The following RYR2 variants were observed in gnomAD, a reference collection of about 807,000 sequenced individuals.
RYR2 encodes the protein ryanodine receptor 2.
Under a neutral mutation model 601.1 loss-of-function variants are expected in RYR2, and 227 were observed. That is an observed-to-expected ratio of 0.38 (90% CI 0.34 to 0.42). RYR2 has a LOEUF of 0.42. Among genes scored for constraint, RYR2 ranks in the 10% least tolerant of loss-of-function variants. The pLI is 1.00. For synonymous variants in RYR2, 2,223 were observed against 2,175.1 expected (o/e 1.02, Z -0.61); for missense variants, 4,646 against 6,156.5 (o/e 0.75, Z 8.21).
intron 1 of RYR2, among the ~76,000 whole-genome samples, chr1:237,172,293 G>C (rs1422699903): frequency 6.6e-6 from 1 of 152,164 alleles, no homozygotes; most frequent in Non-Finnish European, 1.5e-5. Flanking sequence ...CTTGGATCCA[G>C]ACAGACAAGG....
chr1:237,479,808 C>T (rs1661828473), intron 17 of RYR2, among the ~76,000 whole-genome samples: 1 of 152,172 alleles, frequency 6.6e-6, no homozygotes, highest in Non-Finnish European at 1.5e-5. Context: ...GTGTCATATG[C>T]ATTACTCCAC....
intron 56 of RYR2, among the ~76,000 whole-genome samples, chr1:237,663,991 C>A: frequency 6.6e-6 from 1 of 152,162 alleles, no homozygotes; most frequent in Non-Finnish European, 1.5e-5. Context: ...TTTTGACCCC[C>A]TCCTTGGTAG....
chr1:237,628,191 G>T, intron 41 of RYR2, 111 bp downstream of exon 41: 1 of 1,209,708 alleles, frequency 8.3e-7, no homozygotes, highest in Non-Finnish European at 1.1e-6. Context: ...TGGATTATAC[G>T]ATTATTATAC....
At chr1:237,686,231 A>G (rs1464994488) in intron 62 of RYR2, among the ~76,000 whole-genome samples, 3 of 152,224 alleles carry the variant, frequency 2.0e-5, no homozygotes, top group Admixed American at 2.0e-4. Context: ...TGTGGGTGGT[A>G]CTATACACAT....
chr1:237,754,547 C>G (rs149754281), intron 80 of RYR2, among the ~76,000 whole-genome samples: 1,618 of 152,272 alleles, frequency 0.011, 19 homozygotes, highest in Middle Eastern at 0.02. Context: ...CTTCCTGACT[C>G]CCTTGCCTCT....
chr1:237,396,204 A>G (rs1334671028), intron 10 of RYR2, among the ~76,000 whole-genome samples: 2 of 152,184 alleles, frequency 1.3e-5, no homozygotes, highest in Non-Finnish European at 2.9e-5. Context: ...AAAGAAAGCC[A>G]TCTTAATAAA....
intron 10 of RYR2, among the ~76,000 whole-genome samples, chr1:237,408,406 A>AT (rs1491446048): frequency 0.33 from 44,880 of 135,312 alleles, 10,526 homozygotes; most frequent in African/African-American, 0.58. Context: ...ATATATATAT[A>AT]AATGGATATC....
In RYR2 at chr1:237,607,154, T is replaced by G. The variant is rs1241782442; in HGVS notation, c.4684-3608T>G. On this transcript the variant is annotated intron_variant, in intron 35 of 104. Coordinates refer to ENST00000366574, the MANE Select transcript of RYR2 (RefSeq NM_001035.3). ...GTTTATTGTGGCATTATTTACAATA[T>G]CAAAGACTTGGAACCAACCCAAATG... Among the ~76,000 whole-genome samples the G allele has an allele frequency of 2.6e-5, 4 of 152,132 alleles. 1 individual carries two copies. The highest frequency in any genetic ancestry group is 4.8e-5 in the African/African-American group (2 of 41,426).
intron 1 of RYR2, among the ~76,000 whole-genome samples, chr1:237,094,097 C>T (rs1347398284): frequency 6.6e-6 from 1 of 152,224 alleles, no homozygotes; most frequent in Non-Finnish European, 1.5e-5. Flanking sequence ...TTCGAGTCCT[C>T]CATTTCGACC....
intron 1 of RYR2, among the ~76,000 whole-genome samples, chr1:237,217,875 C>G (rs1409349162): frequency 1.3e-5 from 2 of 152,136 alleles, no homozygotes; most frequent in African/African-American, 4.8e-5. Context: ...ATTTGTTTTG[C>G]TCGAAGGGCT....
chr1:237,444,316 T>C (rs538032397), intron 13 of RYR2, among the ~76,000 whole-genome samples: 1 of 152,292 alleles, frequency 6.6e-6, no homozygotes, highest in African/African-American at 2.4e-5. Context: ...AACCGCAAGT[T>C]CTTTCATTTT....
chr1:237,219,237 C>G (rs530281314), intron 1 of RYR2, among the ~76,000 whole-genome samples: 1 of 151,970 alleles, frequency 6.6e-6, no homozygotes, highest in Non-Finnish European at 1.5e-5. Flanking sequence ...AGGCTGGTCT[C>G]GAACTCCTGA....
At chr1:237,773,755 T>C in intron 87 of RYR2, 107 bp downstream of exon 87, 2 of 792,366 alleles carry the variant, frequency 2.5e-6, no homozygotes, top group South Asian at 2.2e-5. Context: ...CTGAGTTTCT[T>C]TGCAAATTGC....
At chr1:237,250,723 T>G (rs1312221295) in intron 1 of RYR2, among the ~76,000 whole-genome samples, 2 of 152,218 alleles carry the variant, frequency 1.3e-5, no homozygotes, top group Non-Finnish European at 2.9e-5. Context: ...CCTCCACCTG[T>G]GCTTTGATCC....
chr1:237,583,544 C>G (rs1243484080), intron 29 of RYR2, among the ~76,000 whole-genome samples: 2 of 152,034 alleles, frequency 1.3e-5, no homozygotes, highest in Admixed American at 6.6e-5. Flanking sequence ...CATAGTAGGC[C>G]ACAAGCAGCT....
intron 1 of RYR2, among the ~76,000 whole-genome samples, chr1:237,080,056 T>C (rs1360152929): frequency 3.5e-5 from 3 of 84,742 alleles, no homozygotes; most frequent in Non-Finnish European, 2.3e-5. Context: ...TAAATGGTGC[T>C]GGGAAAACTG....
chr1:237,255,671 T>C (rs1032817444), intron 1 of RYR2, among the ~76,000 whole-genome samples: 1 of 152,170 alleles, frequency 6.6e-6, no homozygotes, highest in Non-Finnish European at 1.5e-5. Flanking sequence ...CACTAGACAA[T>C]AGATGGGATC....
At chr1:237,797,411 A>T (rs1659386633) in intron 96 of RYR2, among the ~76,000 whole-genome samples, 1 of 151,846 alleles carries the variant, frequency 6.6e-6, no homozygotes, top group African/African-American at 2.4e-5. Flanking sequence ...TACTCAGGGG[A>T]GTGGGTTAGA....
At chr1:237,048,080 T>C (rs1660808489) in intron 1 of RYR2, among the ~76,000 whole-genome samples, 1 of 152,196 alleles carries the variant, frequency 6.6e-6, no homozygotes, top group Non-Finnish European at 1.5e-5. Flanking sequence ...AAACACCAGC[T>C]TGACATCATT....
Sources: allele counts gnomAD v4.1 joint callset (sites outside exome capture counted in the v4.1 genomes callset), GRCh38; gene constraint gnomAD v4.1.1; transcripts MANE v1.5; gene names NCBI Gene and HGNC (gene_info 2026-07-23, HGNC 2026-07-21).